The following EPC1 variants were observed in gnomAD, a reference collection of about 807,000 sequenced individuals.
The protein encoded by EPC1 is enhancer of polycomb 1, also known as enhancer of polycomb homolog 1.
In EPC1, 12 loss-of-function variants were observed where a neutral mutation model predicts 98.4. That is an observed-to-expected ratio of 0.12 (90% CI 0.08 to 0.20). The LOEUF is 0.20. Among genes scored for constraint, EPC1 ranks in the 10% least tolerant of loss-of-function variants. The probability of loss-of-function intolerance (pLI) is 1.00; values close to 1 mark genes in which losing one functional copy is unlikely to be tolerated. For missense variants in EPC1, 729 were observed against 990.5 expected (o/e 0.74, Z 3.54); for synonymous variants, 357 against 363.9 (o/e 0.98, Z 0.21).
intron 1 of EPC1, among the ~76,000 whole-genome samples, chr10:32,321,039 A>C (rs1401387262): frequency 1.3e-5 from 2 of 152,108 alleles, no homozygotes; most frequent in African/African-American, 2.4e-5. Flanking sequence ...GGTCTTTTTC[A>C]GTTAGTTTAT....
chr10:32,281,005 G>T (rs1836383649), intron 10 of EPC1, among the ~76,000 whole-genome samples: 1 of 152,018 alleles, frequency 6.6e-6, no homozygotes, highest in Non-Finnish European at 1.5e-5. Context: ...TAGTCAAAAT[G>T]CAGTCAATAC....
At chr10:32,291,107 TA>T in intron 6 of EPC1, 55 bp downstream of exon 6, 1 of 1,512,266 alleles carries the variant, frequency 6.6e-7, no homozygotes, top group Non-Finnish European at 9.1e-7. Context: ...ACTTTCATTC[TA>T]ATGATAAAAT....
At chr10:32,330,056 G>A (rs531415171) in intron 1 of EPC1, among the ~76,000 whole-genome samples, 1 of 152,316 alleles carries the variant, frequency 6.6e-6, no homozygotes, top group East Asian at 1.9e-4. Flanking sequence ...GGACATAGGA[G>A]CCAGATTACA....
chr10:32,356,003 T>G (rs1176176132), intron 1 of EPC1, among the ~76,000 whole-genome samples: 2 of 151,634 alleles, frequency 1.3e-5, no homozygotes, highest in Admixed American at 6.5e-5. Flanking sequence ...TGGTACATGA[T>G]GGGTGAAGGA....
intron 6 of EPC1, among the ~76,000 whole-genome samples, chr10:32,290,255 G>C (rs1265525620): frequency 6.6e-6 from 1 of 151,974 alleles, no homozygotes; most frequent in Admixed American, 6.6e-5. Flanking sequence ...GCCTAGACGG[G>C]CGGATCACCT....
chr10:32,285,151 C>G, intron 9 of EPC1, 101 bp from the exon 10 acceptor site: 1 of 826,916 alleles, frequency 1.2e-6, no homozygotes, highest in Non-Finnish European at 1.9e-6. Context: ...AAGGCCAACT[C>G]ATACTGAATA....
At chr10:32,341,801 T>A (rs751702321) in intron 1 of EPC1, among the ~76,000 whole-genome samples, 10 of 152,232 alleles carry the variant, frequency 6.6e-5, no homozygotes, top group Non-Finnish European at 1.2e-4. Context: ...ACTGCCAAAC[T>A]GAGATAAAAC....
chr10:32,346,716 G>A (rs779279217), intron 1 of EPC1, 47 bp downstream of exon 1: 91 of 1,568,922 alleles, frequency 5.8e-5, no homozygotes, highest in South Asian at 2.1e-4. Context: ...GCAGGCAGCA[G>A]AGGGAGCGGG....
intron 11 of EPC1, among the ~76,000 whole-genome samples, chr10:32,272,410 A>G (rs1469039748): frequency 2.0e-5 from 3 of 152,224 alleles, no homozygotes; most frequent in African/African-American, 7.2e-5. Context: ...TATAATATGT[A>G]TAAGTCAATT....
chr10:32,312,206 G>A (rs985942253), intron 1 of EPC1, among the ~76,000 whole-genome samples: 2 of 152,196 alleles, frequency 1.3e-5, no homozygotes, highest in Admixed American at 6.5e-5. Context: ...CTTAGGGGTC[G>A]TGTCAAGGAT....
Position 32,293,076 on chromosome 10 carries a change from G to A in EPC1, c.578C>T (p.Ser193Leu), listed in dbSNP as rs765749721. Residue 193 changes from serine to leucine, a missense_variant, in exon 4 of 14, where the codon TCA (serine) becomes TTA (leucine). By Grantham distance (145) the Ser-to-Leu change is moderately radical. This residue lies in a region of EPC1 where 94 missense variants were observed against 125.1 expected (regional missense o/e 0.75). Coordinates refer to ENST00000319778, the MANE Select transcript of EPC1 (RefSeq NM_001272004.3). ...ACCATCTCGCTTCTCTTGTTTTACT[G>A]ATGGAATAAGAGATGGCCCTCGACA... ...KNCRGPSLIP[S>L]VKQEKRDGSS... 2 of 1,613,018 alleles carry A rather than the reference G, an allele frequency of 1.2e-6. No individual in the cohort carries two copies. Among genetic ancestry groups the A allele is most frequent in the Non-Finnish European group, 1.7e-6 (2 of 1,179,356 alleles).
At chr10:32,301,081 T>TCTAG (rs1028175549) in intron 2 of EPC1, among the ~76,000 whole-genome samples, 2 of 151,358 alleles carry the variant, frequency 1.3e-5, no homozygotes, top group African/African-American at 4.9e-5. Context: ...TATCTATCTA[T>TCTAG]CTATCTATCT....
chr10:32,364,677 C>G (rs1839545402), intron 1 of EPC1, among the ~76,000 whole-genome samples: 1 of 152,062 alleles, frequency 6.6e-6, no homozygotes, highest in African/African-American at 2.4e-5. Context: ...ATAGGGAATA[C>G]ATGAAATTTT....
At chr10:32,307,921 T>A (rs929901825) in intron 1 of EPC1, among the ~76,000 whole-genome samples, 1 of 152,250 alleles carries the variant, frequency 6.6e-6, no homozygotes, top group South Asian at 2.1e-4. Flanking sequence ...TTAATTTCTA[T>A]GTGTAGGTGA....
intron 1 of EPC1, among the ~76,000 whole-genome samples, chr10:32,335,027 G>A (rs1284047516): frequency 6.6e-6 from 1 of 152,174 alleles, no homozygotes; most frequent in Non-Finnish European, 1.5e-5. Flanking sequence ...ATACAATTGT[G>A]CAGCAGGAAT....
chr10:32,374,877 C>G (rs1839840515), intron 1 of EPC1, among the ~76,000 whole-genome samples: 1 of 151,882 alleles, frequency 6.6e-6, no homozygotes, highest in Non-Finnish European at 1.5e-5. Context: ...AAACAAACCC[C>G]CGAATAAAAA....
intron 10 of EPC1, among the ~76,000 whole-genome samples, chr10:32,277,057 G>A (rs1836141525): frequency 1.3e-5 from 2 of 152,012 alleles, no homozygotes; most frequent in South Asian, 4.2e-4. Context: ...ATGTAACAGT[G>A]GAAGGAAAAG....
At chr10:32,340,243 A>G (rs1328096487) in intron 1 of EPC1, among the ~76,000 whole-genome samples, 1 of 152,242 alleles carries the variant, frequency 6.6e-6, no homozygotes, top group Non-Finnish European at 1.5e-5. Flanking sequence ...TTATCTTTTA[A>G]AAAATTGATT....
chr10:32,282,245 T>C (rs2132682206), intron 10 of EPC1: 1 of 152,276 alleles, frequency 6.6e-6, no homozygotes, highest in South Asian at 2.1e-4. Flanking sequence ...AAAAGTAGTA[T>C]TGAGGCTGGG....
Sources: allele counts gnomAD v4.1 joint callset (sites outside exome capture counted in the v4.1 genomes callset), GRCh38; gene constraint gnomAD v4.1.1; regional missense constraint gnomAD v4.1.1; transcripts MANE v1.5; gene names NCBI Gene and HGNC (gene_info 2026-07-23, HGNC 2026-07-21).